Variants in TMEM74 observed in about 807,000 individuals in gnomAD.
TMEM74 encodes transmembrane protein 74.
A neutral mutation model predicts 18.1 loss-of-function variants in TMEM74; 13 were observed. The ratio of observed to expected loss-of-function variants is 0.72; its 90% CI spans 0.47 to 1.14. TMEM74 has a LOEUF of 1.14. Ranked by LOEUF, TMEM74 falls within the 50% of genes most tolerant of loss-of-function variation. The probability of loss-of-function intolerance (pLI) is 0.00; values close to 1 mark genes in which losing one functional copy is unlikely to be tolerated. For synonymous variants in TMEM74, 159 were observed against 146.6 expected, an observed-to-expected ratio of 1.08 and a Z score of -0.61; for missense variants, 372 against 375.9, an observed-to-expected ratio of 0.99 and a Z score of 0.09.
At chr8:108,697,936 A>G (rs1242275081) in intron 1 of TMEM74, among the ~76,000 whole-genome samples, 3 of 152,296 alleles carry the variant, frequency 2.0e-5, no homozygotes, top group East Asian at 1.9e-4. Context: ...ACTTTCTTCA[A>G]TCTTTCTCAA....
At chr8:108,749,534 C>CAAAG (rs1563541888) in intron 1 of TMEM74, among the ~76,000 whole-genome samples, 26 of 152,154 alleles carry the variant, frequency 1.7e-4, no homozygotes, top group Non-Finnish European at 2.9e-5. Context: ...TGCCTATCAG[C>CAAAG]TTAAGAAGCT....
At chr8:108,764,031 G>A (rs557462643) in intron 1 of TMEM74, among the ~76,000 whole-genome samples, 1 of 152,232 alleles carries the variant, frequency 6.6e-6, no homozygotes, top group Admixed American at 6.5e-5. Flanking sequence ...CAACTCTAGA[G>A]GGTGGAAGTT....
At chr8:108,639,767 T>A (rs142756375) in intron 2 of TMEM74, among the ~76,000 whole-genome samples, 1 of 152,244 alleles carries the variant, frequency 6.6e-6, no homozygotes, top group East Asian at 1.9e-4. Context: ...TTTTGGTCCC[T>A]ACGTATTACA....
intron 1 of TMEM74, among the ~76,000 whole-genome samples, chr8:108,727,621 G>A (rs1813652149): frequency 6.6e-6 from 1 of 152,176 alleles, no homozygotes; most frequent in Admixed American, 6.5e-5. Flanking sequence ...TATAAGTAGA[G>A]GTGCTGGGAA....
intron 1 of TMEM74, among the ~76,000 whole-genome samples, chr8:108,710,766 G>A (rs1813466847): frequency 6.6e-6 from 1 of 152,052 alleles, no homozygotes; most frequent in Non-Finnish European, 1.5e-5. Flanking sequence ...CTGTGTTCTG[G>A]CTCCCCACTG....
intron 1 of TMEM74, among the ~76,000 whole-genome samples, chr8:108,664,269 T>C (rs1047194360): frequency 6.6e-6 from 1 of 152,182 alleles, no homozygotes; most frequent in African/African-American, 2.4e-5. Flanking sequence ...ATGGAATATT[T>C]TTCCATTTGT....
chr8:108,653,775 A>G (rs1812796508), intron 2 of TMEM74, among the ~76,000 whole-genome samples: 1 of 152,168 alleles, frequency 6.6e-6, no homozygotes, highest in South Asian at 2.1e-4. Flanking sequence ...CAATAGATAC[A>G]TCTATTTTGG....
chr8:108,715,168 A>G (rs545983473), intron 1 of TMEM74, among the ~76,000 whole-genome samples: 1 of 152,208 alleles, frequency 6.6e-6, no homozygotes, highest in Non-Finnish European at 1.5e-5. Context: ...CATTTGGCAT[A>G]TAAACATGTT....
At chr8:108,640,305 G>T (rs188446223) in intron 2 of TMEM74, among the ~76,000 whole-genome samples, 1 of 151,196 alleles carries the variant, frequency 6.6e-6, no homozygotes, top group Non-Finnish European at 1.5e-5. Context: ...GTAGAGACAG[G>T]GTTTCACCAT....
At chr8:108,625,854 T>C (rs1028913147) in intron 2 of TMEM74, among the ~76,000 whole-genome samples, 2 of 152,112 alleles carry the variant, frequency 1.3e-5, no homozygotes, top group Admixed American at 1.3e-4. Flanking sequence ...ATCAATTATG[T>C]CTTTTCTCAA....
chr8:108,739,690 A>T (rs1287887895), intron 1 of TMEM74, among the ~76,000 whole-genome samples: 1 of 152,086 alleles, frequency 6.6e-6, no homozygotes, highest in African/African-American at 2.4e-5. Context: ...ATAAGGCTGA[A>T]GTTTTGACTG....
intron 1 of TMEM74, among the ~76,000 whole-genome samples, chr8:108,720,624 T>C (rs1813576834): frequency 6.6e-6 from 1 of 152,248 alleles, no homozygotes; most frequent in African/African-American, 2.4e-5. Flanking sequence ...GTCTCATCTT[T>C]GTCTCTTTAG....
chr8:108,684,148 T>C (rs1024320281), intron 1 of TMEM74, among the ~76,000 whole-genome samples: 1 of 152,082 alleles, frequency 6.6e-6, no homozygotes, highest in Non-Finnish European at 1.5e-5. Context: ...CATATGGTAG[T>C]CCCAATTGTA....
intron 2 of TMEM74, among the ~76,000 whole-genome samples, chr8:108,611,211 C>CA (rs1812330656): frequency 6.6e-6 from 1 of 152,006 alleles, no homozygotes. Context: ...ATCTGAGATC[C>CA]ATGGATTAAA....
chr8:108,610,535 G>A (rs1018915351), intron 2 of TMEM74, among the ~76,000 whole-genome samples: 2 of 152,150 alleles, frequency 1.3e-5, no homozygotes, highest in Non-Finnish European at 2.9e-5. Context: ...GTGGGAAAAT[G>A]GGTAAAATTC....
chr8:108,639,990 C>A (rs180724027), intron 2 of TMEM74, among the ~76,000 whole-genome samples: 191 of 152,046 alleles, frequency 1.3e-3, no homozygotes, highest in Non-Finnish European at 2.5e-3. Context: ...GATATCACCA[C>A]GCAGGGAAAG....
chr8:108,715,370 C>T lies in TMEM74; in HGVS notation n.120-59933G>A, dbSNP rs116962813. 2.9e-4 allele frequency among the ~76,000 whole-genome samples: 44 copies of T among 151,932 alleles called. No homozygotes were observed. In the East Asian group the frequency reaches 6.4e-3, roughly 22 times the overall value. On this transcript the variant is annotated intron_variant and non_coding_transcript_variant, in intron 1 of 3. Coordinates refer to the TMEM74 transcript ENST00000518838. The stretch of plus-strand genomic sequence containing the variant: ...TCATACCCCAAACTTCAGCATTACA[C>T]GATATACTCAGGTAACAAACTTGCA...
chr8:108,727,788 A>G (rs1813653950), intron 1 of TMEM74, among the ~76,000 whole-genome samples: 1 of 152,212 alleles, frequency 6.6e-6, no homozygotes, highest in East Asian at 1.9e-4. Flanking sequence ...CCAAAGAGTA[A>G]GCCTTGGAGC....
At chr8:108,695,259 A>C (rs557999787) in intron 1 of TMEM74, among the ~76,000 whole-genome samples, 16 of 152,300 alleles carry the variant, frequency 1.1e-4, no homozygotes, top group African/African-American at 3.8e-4. Context: ...AAAAAGGTGG[A>C]TGTGGGAAAT....
Sources: gnomAD v4.1 joint callset for allele counts (sites outside exome capture counted in the v4.1 genomes callset) on GRCh38, gnomAD v4.1.1 for gene constraint, MANE v1.5 for transcripts, NCBI Gene and HGNC (gene_info 2026-07-23, HGNC 2026-07-21) for gene names.